The following IL1RAPL2 variants were observed in gnomAD, a reference collection of about 807,000 sequenced individuals.
IL1RAPL2 encodes X-linked interleukin-1 receptor accessory protein-like 2.
IL1RAPL2 carries 3 observed loss-of-function variants against 44.1 expected under a neutral mutation model. The ratio of observed to expected loss-of-function variants is 0.07; its 90% CI spans 0.03 to 0.18. IL1RAPL2 has a LOEUF of 0.18. IL1RAPL2 is among the 10% of genes least tolerant of loss of function. The pLI is 1.00. For missense variants in IL1RAPL2, 391 were observed against 496.4 expected, an observed-to-expected ratio of 0.79 and a Z score of 2.02; for synonymous variants, 181 against 178.8, an observed-to-expected ratio of 1.01 and a Z score of -0.10.
intron 5 of IL1RAPL2, among the ~76,000 whole-genome samples, chrX:105,447,084 T>TATATATAC (rs2035961211): frequency 1.8e-5 from 1 of 54,146 alleles, no homozygotes; most frequent in Non-Finnish European, 2.8e-5. Context: ...ATTATATATA[T>TATATATAC]ATATATATAT....
chrX:105,178,115 A>G (rs568209756), intron 2 of IL1RAPL2, among the ~76,000 whole-genome samples: 95 of 111,412 alleles, frequency 8.5e-4, no homozygotes, highest in African/African-American at 3.0e-3. Flanking sequence ...CTATTAACCA[A>G]TCTCTCACCT....
At chrX:105,131,901 A>G (rs752746561) in intron 2 of IL1RAPL2, among the ~76,000 whole-genome samples, 1 of 111,581 alleles carries the variant, frequency 9.0e-6, no homozygotes, top group Non-Finnish European at 1.9e-5. Context: ...CATGATAGCC[A>G]TAGTAGTCTT....
At chrX:104,896,828 G>T (rs1054482813) in intron 2 of IL1RAPL2, among the ~76,000 whole-genome samples, 3 of 111,249 alleles carry the variant, frequency 2.7e-5, no homozygotes, top group Non-Finnish European at 5.6e-5. Context: ...CACTGCGAAG[G>T]TCTGCAGCTT....
intron 2 of IL1RAPL2, among the ~76,000 whole-genome samples, chrX:104,998,731 C>G (rs1002211490): frequency 9.0e-6 from 1 of 111,603 alleles, no homozygotes; most frequent in Non-Finnish European, 1.9e-5. Flanking sequence ...TGCACCACTG[C>G]ACTCCAGTCT....
At chrX:105,370,271 C>G (rs1186920739) in intron 5 of IL1RAPL2, among the ~76,000 whole-genome samples, 2 of 111,486 alleles carry the variant, frequency 1.8e-5, no homozygotes, top group African/African-American at 6.5e-5. Flanking sequence ...AAATTTGTTA[C>G]ATAGGCAAAT....
chrX:104,892,064 C>A (rs751711877), intron 2 of IL1RAPL2, among the ~76,000 whole-genome samples: 1 of 111,267 alleles, frequency 9.0e-6, no homozygotes, highest in Non-Finnish European at 1.9e-5. Context: ...ATGTGGTTTT[C>A]GTCTTTGGTT....
At chrX:104,959,557 G>A (rs2029965493) in intron 2 of IL1RAPL2, among the ~76,000 whole-genome samples, 1 of 111,582 alleles carries the variant, frequency 9.0e-6, no homozygotes, top group Admixed American at 9.5e-5. Context: ...CTGTCAGGAA[G>A]ATATGCCTCT....
chrX:105,220,473 G>T lies in IL1RAPL2; in HGVS notation c.357-13345G>T. ...CAATAGGTTCCTTTCCTCCCCCTTA[G>T]CCCCTCCCCTCATCCATCTTCTCCC... On this transcript the variant is annotated intron_variant, in intron 3 of 10. Transcript: ENST00000372582. 4 of 928,814 alleles carry T rather than the reference G, an allele frequency of 4.3e-6. No homozygotes were observed. The South Asian group carries it at 1.1e-4, about 25-fold the overall frequency. The allele number at this position is 928,814 out of a possible 1,213,427, so 76.5% of individuals were successfully genotyped here. A position where few individuals can be genotyped will look rare whatever the true frequency, so the allele number is the denominator to read the frequency against.
chrX:104,868,334 A>G (rs774723418), intron 2 of IL1RAPL2, among the ~76,000 whole-genome samples: 1 of 112,088 alleles, frequency 8.9e-6, no homozygotes, highest in East Asian at 2.8e-4. Context: ...ATATGTAGAC[A>G]TGTGTTTGTG....
At chrX:105,441,039 T>G (rs1229057080) in intron 5 of IL1RAPL2, among the ~76,000 whole-genome samples, 1 of 112,007 alleles carries the variant, frequency 8.9e-6, no homozygotes, top group Non-Finnish European at 1.9e-5. Flanking sequence ...TAGAAATTAC[T>G]CAGTCTAGGG....
chrX:105,115,863 G>A (rs1034022864), intron 2 of IL1RAPL2, among the ~76,000 whole-genome samples: 1 of 113,123 alleles, frequency 8.8e-6, no homozygotes, highest in Non-Finnish European at 1.9e-5. Flanking sequence ...GGGAGGCTCA[G>A]GCATGGGGGC....
chrX:104,651,056 T>A (rs750833093), intron 1 of IL1RAPL2, among the ~76,000 whole-genome samples: 1 of 112,305 alleles, frequency 8.9e-6, no homozygotes, highest in African/African-American at 3.2e-5. Context: ...AAGTGCTCAA[T>A]AAATTATTAT....
intron 6 of IL1RAPL2, among the ~76,000 whole-genome samples, chrX:105,611,986 T>A (rs774978201): frequency 1.8e-5 from 2 of 112,194 alleles, no homozygotes; most frequent in Non-Finnish European, 3.8e-5. Flanking sequence ...TACAAGTCTT[T>A]CTGTGGGCAT....
chrX:104,775,243 T>C (rs1010696021), intron 2 of IL1RAPL2, among the ~76,000 whole-genome samples: 1 of 112,486 alleles, frequency 8.9e-6, no homozygotes, highest in Non-Finnish European at 1.9e-5. Context: ...TTACAAGCTG[T>C]CTACAATCAG....
chrX:104,804,470 C>A, intron 2 of IL1RAPL2: 2 of 113,450 alleles, frequency 1.8e-5, no homozygotes, highest in South Asian at 6.5e-4. Flanking sequence ...CTGGTCTGCC[C>A]AAATAAGCCC....
At chrX:104,584,113 A>T (rs780528572) in intron 1 of IL1RAPL2, among the ~76,000 whole-genome samples, 138 of 111,314 alleles carry the variant, frequency 1.2e-3, no homozygotes, top group Non-Finnish European at 2.3e-3. Flanking sequence ...TGATTCAATA[A>T]ATCTCGGGGT....
At chrX:105,509,901 G>A (rs967780192) in intron 6 of IL1RAPL2, among the ~76,000 whole-genome samples, 2 of 111,707 alleles carry the variant, frequency 1.8e-5, no homozygotes, top group Admixed American at 9.5e-5. Flanking sequence ...GCCAGGCATG[G>A]TGGTTCATGC....
intron 6 of IL1RAPL2, among the ~76,000 whole-genome samples, chrX:105,614,871 A>T (rs1297879667): frequency 9.0e-6 from 1 of 111,632 alleles, no homozygotes; most frequent in Non-Finnish European, 1.9e-5. Context: ...CAAAAGAAAC[A>T]ATCAACAAAG....
intron 2 of IL1RAPL2, among the ~76,000 whole-genome samples, chrX:104,678,910 C>T (rs945779464): frequency 5.4e-5 from 6 of 110,747 alleles, no homozygotes; most frequent in East Asian, 2.9e-4. Context: ...CACCATGGCA[C>T]GTGTATACCT....
Sources: allele counts gnomAD v4.1 joint callset (sites outside exome capture counted in the v4.1 genomes callset), GRCh38; gene constraint gnomAD v4.1.1; transcripts MANE v1.5; gene names NCBI Gene and HGNC (gene_info 2026-07-23, HGNC 2026-07-21).